KANSL1L: variants seen among roughly 807,000 people sequenced by gnomAD.
KANSL1L encodes the protein KAT8 regulatory NSL complex subunit 1-like protein.
In KANSL1L, 25 loss-of-function variants were observed where a neutral mutation model predicts 108.6. The ratio of observed to expected loss-of-function variants is 0.23; its 90% CI spans 0.17 to 0.32. The LOEUF (loss-of-function observed/expected upper bound fraction) is 0.32. KANSL1L is among the 10% of genes least tolerant of loss of function. KANSL1L has a pLI of 1.00. For missense variants in KANSL1L, 1,137 were observed against 1,125.7 expected (o/e 1.01, Z -0.14); for synonymous variants, 405 against 395.1 (o/e 1.03, Z -0.30).
chr2:210,127,703 G>A (rs1435761542), intron 3 of KANSL1L, among the ~76,000 whole-genome samples: 1 of 150,132 alleles, frequency 6.7e-6, no homozygotes, highest in Non-Finnish European at 1.5e-5. Flanking sequence ...GGAGTCTGAG[G>A]TGGAAGGATT....
At chr2:210,083,239 C>G (rs866397490) in intron 5 of KANSL1L, among the ~76,000 whole-genome samples, 1 of 152,134 alleles carries the variant, frequency 6.6e-6, no homozygotes, top group Admixed American at 6.5e-5. Context: ...TTTTGAACTT[C>G]TAGCCTCCAG....
At position 210,171,304 on chromosome 2, in the gene KANSL1L, CG is replaced by C; in HGVS notation, c.-186del. On this transcript the variant is annotated 5_prime_UTR_variant, in exon 1 of 15. Transcript: ENST00000281772. Reference sequence around the variant, plus strand: ...GCCCCGCTCCCGCCCCGGCCGCCGCCGCCGCCGCCGCCGCCGCCGCCGCCGC... The same window carrying C: ...GCCCCGCTCCCGCCCCGGCCGCCGCCCCGCCGCCGCCGCCGCCGCCGCCGC... The C allele has an allele frequency of 4.6e-3, 1 of 216 alleles. No homozygotes were observed. The highest frequency in any genetic ancestry group is 0.042 in the Non-Finnish European group (1 of 24). The allele number at this position is 216 out of a possible 1,614,324, so 0.0% of individuals were successfully genotyped here.
chr2:210,130,190 A>G (rs977355624), intron 2 of KANSL1L, among the ~76,000 whole-genome samples: 1 of 152,192 alleles, frequency 6.6e-6, no homozygotes, highest in Non-Finnish European at 1.5e-5. Context: ...AGGTTCATCA[A>G]TTGTAACAAA....
intron 3 of KANSL1L, among the ~76,000 whole-genome samples, chr2:210,106,587 A>C (rs1238688946): frequency 6.6e-6 from 1 of 151,962 alleles, no homozygotes; most frequent in Non-Finnish European, 1.5e-5. Flanking sequence ...TGGCCAACAT[A>C]GCAAAACCCT....
At chr2:210,152,478 G>C (rs1048733854) in intron 2 of KANSL1L, 1 of 152,102 alleles carries the variant, frequency 6.6e-6, no homozygotes. Context: ...GTGTTATCAC[G>C]GTGTGATAAC....
At chr2:210,124,802 G>T (rs2095051541) in intron 3 of KANSL1L, among the ~76,000 whole-genome samples, 1 of 151,988 alleles carries the variant, frequency 6.6e-6, no homozygotes, top group African/African-American at 2.4e-5. Context: ...ACTAAAATCA[G>T]AAATAAAGCT....
chr2:210,118,405 C>A (rs376545839), intron 3 of KANSL1L, among the ~76,000 whole-genome samples: 1 of 142,706 alleles, frequency 7.0e-6, no homozygotes, highest in African/African-American at 2.6e-5. Context: ...AGGTGGAGGT[C>A]GCACTGTGAG....
At chr2:210,164,855 GTTTT>G (rs546289634) in intron 1 of KANSL1L, among the ~76,000 whole-genome samples, 3 of 135,104 alleles carry the variant, frequency 2.2e-5, no homozygotes, top group African/African-American at 5.4e-5. Flanking sequence ...TATTTTTTCT[GTTTT>G]TTTTTTTTTG....
chr2:210,027,013 C>T (rs1575352712), intron 12 of KANSL1L, among the ~76,000 whole-genome samples: 1 of 152,138 alleles, frequency 6.6e-6, no homozygotes, highest in South Asian at 2.1e-4. Context: ...CCTCGTGATC[C>T]GCCCGTCTTG....
At chr2:210,117,365 A>G (rs1456018813) in intron 3 of KANSL1L, among the ~76,000 whole-genome samples, 2 of 152,190 alleles carry the variant, frequency 1.3e-5, no homozygotes, top group Admixed American at 1.3e-4. Context: ...TCCCAAATCT[A>G]CAGTAAGATG....
chr2:210,125,583 C>G (rs942438374), intron 3 of KANSL1L, among the ~76,000 whole-genome samples: 1 of 152,074 alleles, frequency 6.6e-6, no homozygotes, highest in African/African-American at 2.4e-5. Flanking sequence ...AATTAGCAAG[C>G]CAAATTCATC....
At chr2:210,131,296 G>T (rs1646922942) in intron 2 of KANSL1L, among the ~76,000 whole-genome samples, 2 of 152,114 alleles carry the variant, frequency 1.3e-5, no homozygotes, top group South Asian at 4.2e-4. Context: ...TGACTGGGAA[G>T]GAGAGGGGAG....
intron 3 of KANSL1L, among the ~76,000 whole-genome samples, chr2:210,127,797 T>TTAA (rs2095081084): frequency 1.8e-4 from 1 of 5,572 alleles, no homozygotes; most frequent in South Asian, 8.8e-3. Context: ...AGACTCTGCC[T>TTAA]CAAAAAAAAA....
intron 2 of KANSL1L, among the ~76,000 whole-genome samples, chr2:210,148,516 C>G (rs1043693617): frequency 1.4e-4 from 21 of 152,138 alleles, no homozygotes; most frequent in African/African-American, 3.9e-4. Context: ...ATTCATCTTA[C>G]AGTGGAAGGA....
At chr2:210,122,059 C>A (rs1390390402) in intron 3 of KANSL1L, among the ~76,000 whole-genome samples, 5 of 152,074 alleles carry the variant, frequency 3.3e-5, no homozygotes, top group African/African-American at 1.2e-4. Context: ...AGGAGATATT[C>A]CATTTTTGTG....
At position 210,082,319 on chromosome 2, in the gene KANSL1L, T is replaced by C. The variant is rs181583824; in HGVS notation, c.1551-6563A>G. 1.2e-3 allele frequency among the ~76,000 whole-genome samples: 190 copies of C among 152,316 alleles called. 1 individual carries two copies. The highest frequency in any genetic ancestry group is 2.2e-3 in the Non-Finnish European group (153 of 68,032). Reference sequence around the variant, plus strand: ...TGGAAAATGCTGCTACTTAATGATATGTGATAAAAATGCTTTTAGACATTT... The same window carrying C: ...TGGAAAATGCTGCTACTTAATGATACGTGATAAAAATGCTTTTAGACATTT... On this transcript the variant is annotated intron_variant, in intron 5 of 14. Transcript: ENST00000281772.
Position 210,022,056 on chromosome 2 carries a change from A to G in KANSL1L, c.*893T>C, listed in dbSNP as rs2093866709. 6.9e-6 allele frequency: 1 copy of G among 144,856 alleles called. No homozygotes were observed. Among genetic ancestry groups the G allele is most frequent in the African/African-American group, 2.6e-5 (1 of 38,252 alleles). 9.0% of individuals were successfully genotyped at this position (144,856 alleles called of 1,614,324 possible). ...GATAGGGCTTTACTGTTTGTGGCTC[A>G]TTTTAAAACTGGTGTCTTCTCTTCA... On this transcript the variant is annotated 3_prime_UTR_variant, in exon 15 of 15. Transcript: ENST00000281772.
upstream of KANSL1L, among the ~76,000 whole-genome samples, chr2:210,172,613 G>A (rs1688392501): frequency 6.6e-6 from 1 of 152,162 alleles, no homozygotes; most frequent in Admixed American, 6.5e-5. Flanking sequence ...AGAATTTTAG[G>A]AAATTGATTT....
chr2:210,103,449 C>T (rs1448856854), intron 4 of KANSL1L, among the ~76,000 whole-genome samples: 1 of 152,032 alleles, frequency 6.6e-6, no homozygotes, highest in African/African-American at 2.4e-5. Context: ...TGCACATGTA[C>T]CCTAGAACTT....
Sources: allele counts gnomAD v4.1 joint callset (sites outside exome capture counted in the v4.1 genomes callset), GRCh38; gene constraint gnomAD v4.1.1; transcripts MANE v1.5; gene names NCBI Gene and HGNC (gene_info 2026-07-23, HGNC 2026-07-21).